EFCAB11: variants seen among roughly 807,000 people sequenced by gnomAD.
EFCAB11 encodes the protein EF-hand calcium-binding domain-containing protein 11.
Under a neutral mutation model 23.0 loss-of-function variants are expected in EFCAB11, and 14 were observed. The ratio of observed to expected loss-of-function variants is 0.61; its 90% CI spans 0.40 to 0.95. The LOEUF (loss-of-function observed/expected upper bound fraction) is 0.95. Ranked by LOEUF, EFCAB11 falls within the 40% of genes least tolerant of loss-of-function variation. The pLI, the probability that EFCAB11 is intolerant of heterozygous loss-of-function variation, is 0.00. For missense variants in EFCAB11, 198 were observed against 195.8 expected (o/e 1.01, Z -0.07); for synonymous variants, 65 against 66.6 (o/e 0.98, Z 0.11).
intron 3 of EFCAB11, among the ~76,000 whole-genome samples, chr14:89,943,440 C>T (rs1303218664): frequency 1.3e-5 from 2 of 151,778 alleles, no homozygotes; most frequent in Non-Finnish European, 2.9e-5. Context: ...TGGGGTTTCG[C>T]CATGTTGCTC....
At chr14:89,841,096 C>T (rs1246794386) in intron 5 of EFCAB11, among the ~76,000 whole-genome samples, 3 of 152,164 alleles carry the variant, frequency 2.0e-5, no homozygotes, top group Non-Finnish European at 4.4e-5. Flanking sequence ...TACTACTTTC[C>T]TCCTCCTGAA....
intron 5 of EFCAB11, among the ~76,000 whole-genome samples, chr14:89,820,117 C>T (rs1174379687): frequency 2.0e-5 from 3 of 151,920 alleles, no homozygotes; most frequent in African/African-American, 7.3e-5. Flanking sequence ...TATACAAAAG[C>T]CTAGGATTAC....
chr14:89,927,860 T>G (rs548908360), intron 5 of EFCAB11, among the ~76,000 whole-genome samples: 67 of 152,228 alleles, frequency 4.4e-4, no homozygotes, highest in Non-Finnish European at 7.6e-4. Context: ...TAGCTGGGAT[T>G]ACAGGCGCCC....
chr14:89,880,722 T>C (rs1264071024), intron 5 of EFCAB11, among the ~76,000 whole-genome samples: 1 of 152,212 alleles, frequency 6.6e-6, no homozygotes, highest in Non-Finnish European at 1.5e-5. Context: ...AGGCAGTTAG[T>C]GTAGCTGTTA....
chr14:89,881,888 C>A (rs549292071), intron 5 of EFCAB11, among the ~76,000 whole-genome samples: 14 of 152,128 alleles, frequency 9.2e-5, no homozygotes, highest in Non-Finnish European at 2.1e-4. Flanking sequence ...TAATTTCAAA[C>A]CTGGGTCTAC....
At chr14:89,945,115 C>A (rs930397267) in intron 3 of EFCAB11, among the ~76,000 whole-genome samples, 2 of 151,298 alleles carry the variant, frequency 1.3e-5, no homozygotes, top group Non-Finnish European at 2.9e-5. Context: ...TCTCTTTTCC[C>A]CCCCCACTCA....
At chr14:89,892,423 C>T in intron 5 of EFCAB11, 1 of 1,574,714 alleles carries the variant, frequency 6.4e-7, no homozygotes, top group Non-Finnish European at 8.6e-7. Flanking sequence ...GGAAGCAGCA[C>T]CCAGGCCCAT....
intron 2 of EFCAB11, among the ~76,000 whole-genome samples, chr14:89,952,941 T>C (rs773846137): frequency 1.1e-4 from 16 of 152,176 alleles, no homozygotes; most frequent in African/African-American, 2.6e-4. Context: ...AAGGGTGTTG[T>C]CTCTCGAATG....
At chr14:89,809,972 C>T (rs1008179615) in intron 5 of EFCAB11, among the ~76,000 whole-genome samples, 3 of 152,146 alleles carry the variant, frequency 2.0e-5, no homozygotes, top group Admixed American at 6.5e-5. Context: ...AATGATGACC[C>T]GGATTTTAGA....
At chr14:89,924,188 T>C in intron 5 of EFCAB11, 2 of 985,882 alleles carry the variant, frequency 2.0e-6, no homozygotes. Flanking sequence ...TTCACCCAAT[T>C]TCTAATATTC....
At chr14:89,911,446 C>T (rs1362138476) in intron 5 of EFCAB11, among the ~76,000 whole-genome samples, 3 of 152,230 alleles carry the variant, frequency 2.0e-5, no homozygotes, top group African/African-American at 7.2e-5. Context: ...GAGAACCTTC[C>T]TCAAGACAAG....
At chr14:89,949,024 C>T (rs1419061221) in intron 3 of EFCAB11, among the ~76,000 whole-genome samples, 2 of 152,078 alleles carry the variant, frequency 1.3e-5, no homozygotes, top group African/African-American at 4.8e-5. Flanking sequence ...TGCTTCATAG[C>T]ATGGATACCC....
chr14:89,912,465 T>C (rs987289736), intron 5 of EFCAB11, among the ~76,000 whole-genome samples: 11 of 152,142 alleles, frequency 7.2e-5, no homozygotes, highest in African/African-American at 2.7e-4. Context: ...GGATCTGAAG[T>C]TCCTTAAGGT....
chr14:89,953,981 T>G lies in EFCAB11; in HGVS notation c.96A>C (p.Glu32Asp). 1 of 1,613,088 alleles carries G rather than the reference T, an allele frequency of 6.2e-7. No individual in the cohort carries two copies. ...CTCTGCTGAGATATCCTTTGTGATC[T>G]TCATCACATGCTTTAAATACCTGAA... ...KWVEVFKACD[E>D]DHKGYLSRED... Residue 32 changes from glutamate (E) to aspartate (D), a missense_variant, in exon 2 of 6, where the codon GAA becomes GAC. Transcript: ENST00000316738.
intron 3 of EFCAB11, among the ~76,000 whole-genome samples, chr14:89,934,301 G>A (rs1488049262): frequency 3.3e-5 from 5 of 152,188 alleles, no homozygotes; most frequent in Admixed American, 3.3e-4. Flanking sequence ...CAGTGGGGAT[G>A]AGAGGAGTGG....
At chr14:89,838,501 G>A (rs1242503024) in intron 5 of EFCAB11, among the ~76,000 whole-genome samples, 2 of 149,298 alleles carry the variant, frequency 1.3e-5, no homozygotes, top group Admixed American at 6.6e-5. Flanking sequence ...GAAGACACAA[G>A]GGAAAGTGCT....
intron 5 of EFCAB11, among the ~76,000 whole-genome samples, chr14:89,820,341 G>A (rs1383259837): frequency 2.1e-4 from 32 of 152,034 alleles, no homozygotes; most frequent in Admixed American, 2.1e-3. Flanking sequence ...GAAACTTAAG[G>A]AAATTTAAAT....
At chr14:89,845,344 CAAATT>C (rs1387369717) in intron 5 of EFCAB11, among the ~76,000 whole-genome samples, 12 of 152,250 alleles carry the variant, frequency 7.9e-5, no homozygotes, top group Non-Finnish European at 1.0e-4. Flanking sequence ...AATTTAGAAA[CAAATT>C]AATATGATTT....
intron 5 of EFCAB11, among the ~76,000 whole-genome samples, chr14:89,879,794 T>A (rs960145708): frequency 6.6e-6 from 1 of 152,174 alleles, no homozygotes; most frequent in Non-Finnish European, 1.5e-5. Flanking sequence ...TACCCAATAT[T>A]CAGCTTGACC....
Sources: allele counts gnomAD v4.1 joint callset (sites outside exome capture counted in the v4.1 genomes callset), GRCh38; gene constraint gnomAD v4.1.1; transcripts MANE v1.5; gene names NCBI Gene and HGNC (gene_info 2026-07-23, HGNC 2026-07-21).